The following SLC4A10 variants were observed in gnomAD, a reference collection of about 807,000 sequenced individuals.
SLC4A10 encodes the protein sodium-driven chloride bicarbonate exchanger.
SLC4A10 carries 42 observed loss-of-function variants against 137.7 expected under a neutral mutation model. That is an observed-to-expected ratio of 0.30 (90% CI 0.24 to 0.39). The LOEUF is 0.39. Among genes scored for constraint, SLC4A10 ranks in the 10% least tolerant of loss-of-function variants. The probability of loss-of-function intolerance (pLI) is 1.00; values close to 1 mark genes in which losing one functional copy is unlikely to be tolerated. For synonymous variants in SLC4A10, 474 were observed against 464.1 expected (o/e 1.02, Z -0.27); for missense variants, 925 against 1,355.0 (o/e 0.68, Z 4.98).
At chr2:161,814,595 A>G (rs2056874164) in intron 3 of SLC4A10, among the ~76,000 whole-genome samples, 1 of 152,176 alleles carries the variant, frequency 6.6e-6, no homozygotes, top group Non-Finnish European at 1.5e-5. Context: ...CCTAAAAAAG[A>G]GCAAAATCAT....
intron 9 of SLC4A10, among the ~76,000 whole-genome samples, chr2:161,880,367 C>T (rs2061691080): frequency 6.6e-6 from 1 of 152,114 alleles, no homozygotes; most frequent in Admixed American, 6.6e-5. Context: ...TATATAACTC[C>T]ATGCTTTGAT....
At chr2:161,970,624 G>C (rs1698359407) in intron 23 of SLC4A10, among the ~76,000 whole-genome samples, 1 of 152,152 alleles carries the variant, frequency 6.6e-6, no homozygotes, top group African/African-American at 2.4e-5. Flanking sequence ...GGTCTCTGTT[G>C]CCGTTGTTTG....
chr2:161,844,061 T>C (rs1385538034), intron 4 of SLC4A10, among the ~76,000 whole-genome samples: 1 of 152,096 alleles, frequency 6.6e-6, no homozygotes, highest in Non-Finnish European at 1.5e-5. Flanking sequence ...TGTAATGTTA[T>C]TAATAGAAAA....
In SLC4A10 at chr2:161,984,355, T is replaced by C. The variant is rs1700585225; in HGVS notation, c.*1203T>C. 6.6e-6 allele frequency: 1 copy of C among 152,184 alleles called. No individual in the cohort carries two copies. The highest frequency in any genetic ancestry group is 1.5e-5 in the Non-Finnish European group (1 of 68,002). The allele number at this position is 152,184 out of a possible 1,614,324, so 9.4% of individuals were successfully genotyped here. The stretch of plus-strand genomic sequence containing the variant: ...TATAAGGGGAGAGAAAGTTATGAAG[T>C]TTTGGACATTACTAAAAGTACAGTA... On this transcript the variant is annotated 3_prime_UTR_variant, in exon 27 of 27. Coordinates refer to ENST00000446997, the MANE Select transcript of SLC4A10 (RefSeq NM_001178015.2).
intron 1 of SLC4A10, among the ~76,000 whole-genome samples, chr2:161,660,554 ATATTTCTT>A (rs1421817671): frequency 2.2e-5 from 3 of 133,334 alleles, no homozygotes; most frequent in East Asian, 4.5e-4. Flanking sequence ...GTACTCATCT[ATATTTCTT>A]TCTTTCTTTC....
At chr2:161,715,117 G>A (rs760143372) in intron 1 of SLC4A10, among the ~76,000 whole-genome samples, 24 of 151,874 alleles carry the variant, frequency 1.6e-4, no homozygotes, top group Non-Finnish European at 3.2e-4. Flanking sequence ...TTAGTAGTTT[G>A]CCCAAGATCA....
At chr2:161,956,904 G>A (rs1413092757) in intron 19 of SLC4A10, 85 bp from the exon 20 acceptor site, 4 of 1,389,974 alleles carry the variant, frequency 2.9e-6, no homozygotes, top group Non-Finnish European at 3.8e-6. Context: ...AGTATCATCA[G>A]GAAGTGGTTT....
chr2:161,684,838 A>G (rs1219244388), intron 1 of SLC4A10, among the ~76,000 whole-genome samples: 3 of 152,180 alleles, frequency 2.0e-5, no homozygotes, highest in Non-Finnish European at 4.4e-5. Flanking sequence ...ATAACTTAAA[A>G]CACAGGTTAT....
chr2:161,927,472 ATG>A (rs2105575586), intron 15 of SLC4A10, among the ~76,000 whole-genome samples: 1 of 152,292 alleles, frequency 6.6e-6, no homozygotes, highest in Admixed American at 6.5e-5. Context: ...CAAGGACTTC[ATG>A]TCTAAAACAC....
chr2:161,742,801 C>T (rs1482824296), intron 1 of SLC4A10, among the ~76,000 whole-genome samples: 1 of 152,040 alleles, frequency 6.6e-6, no homozygotes, highest in East Asian at 1.9e-4. Flanking sequence ...GGATAAAAGC[C>T]ATTTTAACCG....
chr2:161,971,636 C>T (rs549348533), intron 23 of SLC4A10, among the ~76,000 whole-genome samples: 10 of 152,314 alleles, frequency 6.6e-5, no homozygotes, highest in South Asian at 6.2e-4. Flanking sequence ...GCTGTCGTGA[C>T]GGCTACTGCC....
At chr2:161,664,377 C>T (rs371057364) in intron 1 of SLC4A10, among the ~76,000 whole-genome samples, 1 of 151,804 alleles carries the variant, frequency 6.6e-6, no homozygotes, top group South Asian at 2.1e-4. Flanking sequence ...AATGTTGATA[C>T]AAGATCAAAT....
At chr2:161,851,369 A>G (rs571000600) in intron 4 of SLC4A10, among the ~76,000 whole-genome samples, 11 of 152,250 alleles carry the variant, frequency 7.2e-5, no homozygotes, top group Admixed American at 5.2e-4. Flanking sequence ...GTCTCTAAGA[A>G]CTTGTTTTAT....
chr2:161,773,115 C>T (rs1309897178), intron 2 of SLC4A10, among the ~76,000 whole-genome samples: 2 of 151,880 alleles, frequency 1.3e-5, no homozygotes, highest in Non-Finnish European at 2.9e-5. Context: ...TGATATCTAA[C>T]AGCTCCAGAG....
intron 1 of SLC4A10, among the ~76,000 whole-genome samples, chr2:161,742,792 G>T (rs1004665003): frequency 6.6e-6 from 1 of 151,894 alleles, no homozygotes; most frequent in African/African-American, 2.4e-5. Flanking sequence ...CTGTATTTTG[G>T]ATAAAAGCCA....
At chr2:161,797,339 T>A (rs997360833) in intron 2 of SLC4A10, among the ~76,000 whole-genome samples, 3 of 152,086 alleles carry the variant, frequency 2.0e-5, no homozygotes, top group Admixed American at 6.6e-5. Context: ...AAGTCCTACA[T>A]CCTCCATGAA....
At chr2:161,759,122 C>CT (rs2049976640) in intron 1 of SLC4A10, among the ~76,000 whole-genome samples, 1 of 151,812 alleles carries the variant, frequency 6.6e-6, no homozygotes, top group Non-Finnish European at 1.5e-5. Flanking sequence ...TTAGAAATTT[C>CT]TTTAACAAGG....
At chr2:161,954,551 G>A (rs540528642) in intron 19 of SLC4A10, among the ~76,000 whole-genome samples, 40 of 152,162 alleles carry the variant, frequency 2.6e-4, no homozygotes, top group Non-Finnish European at 4.9e-4. Context: ...TGGCTGGCAT[G>A]CCTATCAGCT....
intron 2 of SLC4A10, among the ~76,000 whole-genome samples, chr2:161,795,784 T>C (rs1044864229): frequency 2.0e-5 from 3 of 152,054 alleles, no homozygotes; most frequent in Non-Finnish European, 4.4e-5. Flanking sequence ...TGAGAAAATA[T>C]AAATAAAACA....
Sources: allele counts gnomAD v4.1 joint callset (sites outside exome capture counted in the v4.1 genomes callset), GRCh38; gene constraint gnomAD v4.1.1; transcripts MANE v1.5; gene names NCBI Gene and HGNC (gene_info 2026-07-23, HGNC 2026-07-21).